The following TGFB1I1 variants were observed in gnomAD, a reference collection of about 807,000 sequenced individuals.
TGFB1I1 encodes the protein transforming growth factor beta-1-induced transcript 1 protein.
In TGFB1I1, 33 loss-of-function variants were observed where a neutral mutation model predicts 52.0. That is an observed-to-expected ratio of 0.63 (90% CI 0.48 to 0.85). TGFB1I1 has a LOEUF of 0.85. TGFB1I1 is among the 40% of genes least tolerant of loss of function. The probability of loss-of-function intolerance (pLI) is 0.00; values close to 1 mark genes in which losing one functional copy is unlikely to be tolerated. For synonymous variants in TGFB1I1, 236 were observed against 253.3 expected, an observed-to-expected ratio of 0.93 and a Z score of 0.65; for missense variants, 577 against 614.9, an observed-to-expected ratio of 0.94 and a Z score of 0.65.
Position 31,476,806 on chromosome 16 carries a change from G to T in TGFB1I1, c.971-56G>T. 2 of 1,604,108 alleles carry T rather than the reference G, an allele frequency of 1.2e-6. No homozygotes were observed. The highest frequency in any genetic ancestry group is 2.3e-5 in the East Asian group (1 of 44,104). On this transcript the variant is annotated intron_variant, in intron 9 of 10. Transcript: ENST00000394863. The surrounding 1 kb of genome is among the most constrained non-coding windows in gnomAD (Gnocchi z 7.6). ...TCGGCCCCAGATCTCAGGTCTTGTG[G>T]GTCCCCCGTCCCGCCCGCACCCTTT... is the stretch of plus-strand genomic sequence containing the variant.
At position 31,472,370 on chromosome 16, in the gene TGFB1I1, G is replaced by C. The variant is rs1027400222; in HGVS notation, c.13+169G>C. The C allele has an allele frequency of 1.3e-5, 16 of 1,193,148 alleles. No individual in the cohort carries two copies. The South Asian group carries it at 3.4e-4, about 25-fold the overall frequency. 73.9% of individuals were successfully genotyped at this position (1,193,148 alleles called of 1,614,324 possible). ...TCCCCCTTCCTGCCTCTCCCTTCCT[G>C]CCTTTCCTGGGCCGGCCGCTCCCTC... On this transcript the variant is annotated intron_variant, in intron 1 of 10. Transcript: ENST00000394863.
chr16:31,472,483 CTG>C, intron 1 of TGFB1I1: 1 of 410,018 alleles, frequency 2.4e-6, no homozygotes. Flanking sequence ...GCGCGGGGCT[CTG>C]GGGAGGGAGG....
chr16:31,476,812 C>T lies in TGFB1I1; in HGVS notation c.971-50C>T. 6.2e-7 allele frequency: 1 copy of T among 1,606,946 alleles called. No individual in the cohort carries two copies. Among genetic ancestry groups the T allele is most frequent in the Non-Finnish European group, 8.5e-7 (1 of 1,178,236 alleles). Reference sequence around the variant, plus strand: ...CCAGATCTCAGGTCTTGTGGGTCCCCCGTCCCGCCCGCACCCTTTGCTTTC... The same window carrying T: ...CCAGATCTCAGGTCTTGTGGGTCCCTCGTCCCGCCCGCACCCTTTGCTTTC... On this transcript the variant is annotated intron_variant, in intron 9 of 10. Coordinates refer to ENST00000394863, the MANE Select transcript of TGFB1I1 (RefSeq NM_001042454.3). The surrounding 1 kb of genome is among the most constrained non-coding windows in gnomAD (Gnocchi z 7.6).
At position 31,476,404 on chromosome 16, in the gene TGFB1I1, A is replaced by T. The variant is rs1290068767; in HGVS notation, c.889-77A>T. On this transcript the variant is annotated intron_variant, in intron 8 of 10. Coordinates refer to ENST00000394863, the MANE Select transcript of TGFB1I1 (RefSeq NM_001042454.3). The surrounding 1 kb of genome is among the most constrained non-coding windows in gnomAD (Gnocchi z 7.6). ...CCTCCCCCCACGCATGCCTTAGTCC[A>T]GTCACCCGGGTTCCGCGCGGGAGAG... 2.5e-5 allele frequency: 36 copies of T among 1,446,778 alleles called. No homozygotes were observed. The highest frequency in any genetic ancestry group is 1.3e-5 in the Non-Finnish European group (14 of 1,052,884). The allele number at this position is 1,446,778 out of a possible 1,614,324, so 89.6% of individuals were successfully genotyped here. A position where few individuals can be genotyped will look rare whatever the true frequency, so the allele number is the denominator to read the frequency against.
chr16:31,476,730 G>A lies in TGFB1I1; in HGVS notation c.971-132G>A. 4 of 1,498,662 alleles carry A rather than the reference G, an allele frequency of 2.7e-6. No individual in the cohort carries two copies. The highest frequency in any genetic ancestry group is 3.6e-6 in the Non-Finnish European group (4 of 1,111,936). 92.8% of individuals were successfully genotyped at this position (1,498,662 alleles called of 1,614,324 possible). A position where few individuals can be genotyped will look rare whatever the true frequency, so the allele number is the denominator to read the frequency against. Reference sequence around the variant, plus strand: ...ACCCGAGCCCTCCCCGCTCTGTCCCGCCATAGACCCGGCTCCTCCTTCCCC... The same window carrying A: ...ACCCGAGCCCTCCCCGCTCTGTCCCACCATAGACCCGGCTCCTCCTTCCCC... On this transcript the variant is annotated intron_variant, in intron 9 of 10. Coordinates refer to ENST00000394863, the MANE Select transcript of TGFB1I1 (RefSeq NM_001042454.3). The surrounding 1 kb of genome is among the most constrained non-coding windows in gnomAD (Gnocchi z 7.6).
At chr16:31,475,965 A>C in intron 7 of TGFB1I1, 47 bp from the exon 8 acceptor site, 1 of 1,576,182 alleles carries the variant, frequency 6.3e-7, no homozygotes, top group African/African-American at 1.3e-5. Flanking sequence ...CTCACTGGGC[A>C]TGTGGTTGTC....
Position 31,473,823 on chromosome 16 carries a change from T to C in TGFB1I1, c.183-12T>C. The C allele has an allele frequency of 6.2e-7, 1 of 1,613,778 alleles. No homozygotes were observed. Among genetic ancestry groups the C allele is most frequent in the South Asian group, 1.1e-5 (1 of 91,044 alleles). On this transcript the variant is annotated splice_polypyrimidine_tract_variant and intron_variant, in intron 3 of 10. Transcript: ENST00000394863. ...CCCACCCCTGAACCCAGGCTCCCACTCTGCTTCCCAGCACGGTATGCAAGC... is the reference window on the plus strand; with the variant it reads ...CCCACCCCTGAACCCAGGCTCCCACCCTGCTTCCCAGCACGGTATGCAAGC...
In TGFB1I1 at chr16:31,477,468, G is replaced by C. The variant is rs1439655641; in HGVS notation, c.1278G>C (p.Pro426=). 1 of 1,602,426 alleles carries C rather than the reference G, an allele frequency of 6.2e-7. No individual in the cohort carries two copies. The highest frequency in any genetic ancestry group is 1.3e-5 in the African/African-American group (1 of 74,638). ...CGGCCCTGGGTCGCCGCTTCCACCC[G>C]GACCACTTCACATGCACCTTCTGCC... is the stretch of plus-strand genomic sequence containing the variant. ...CVSALGRRFH[P]DHFTCTFCLR... is the part of the protein sequence containing the mutation. Residue 426 remains proline, a synonymous_variant, in exon 11 of 11, where the codon CCG becomes CCC. Transcript: ENST00000394863. This position sits in a 1 kb window ranked among gnomAD's most constrained non-coding sequence, Gnocchi z 4.7.
In TGFB1I1 at chr16:31,474,936, G is replaced by A; in HGVS notation, c.714+179G>A. 1.5e-6 allele frequency: 1 copy of A among 653,218 alleles called. No homozygotes were observed. The highest frequency in any genetic ancestry group is 2.6e-6 in the Non-Finnish European group (1 of 386,972). 40.5% of individuals were successfully genotyped at this position (653,218 alleles called of 1,614,324 possible). On this transcript the variant is annotated intron_variant, in intron 7 of 10. Transcript: ENST00000394863. The surrounding 1 kb of genome is among the most constrained non-coding windows in gnomAD (Gnocchi z 4.2). ...AACCACACAGCAGGTTAGTGGTAGGGTGAAAATTCCAACCATGTTACCATT... is the reference window on the plus strand; with the variant it reads ...AACCACACAGCAGGTTAGTGGTAGGATGAAAATTCCAACCATGTTACCATT...
chr16:31,473,117 G>C, intron 1 of TGFB1I1: 1 of 883,938 alleles, frequency 1.1e-6, no homozygotes, highest in Non-Finnish European at 1.4e-6. Flanking sequence ...AAAGCTGAGG[G>C]CCAGGCACTG....
chr16:31,473,235 G>A (rs2082401263), intron 1 of TGFB1I1: 1 of 1,380,652 alleles, frequency 7.2e-7, no homozygotes, highest in Non-Finnish European at 9.4e-7. Flanking sequence ...GGCTGGGTTT[G>A]TGCTTGGCTC....
rs1432993582 is a variant in TGFB1I1, at chr16:31,477,347, A to C, written c.1157A>C (p.Glu386Ala). Reference protein sequence around the residue: ...FAPFSGGSFFEHEGRPLCENH... With the variant: ...FAPFSGGSFFAHEGRPLCENH... Reference sequence around the variant, plus strand: ...CCCTTCTCGGGAGGCAGCTTTTTCGAGCACGAGGGCCGCCCGTTGTGCGAG... The same window carrying C: ...CCCTTCTCGGGAGGCAGCTTTTTCGCGCACGAGGGCCGCCCGTTGTGCGAG... Residue 386 changes from glutamate (E) to alanine (A), a missense_variant, in exon 11 of 11, where the codon GAG (glutamate) becomes GCG (alanine). This residue lies in a region of TGFB1I1 where 456 missense variants were observed against 461.6 expected (regional missense o/e 0.99). Transcript: ENST00000394863. This position sits in a 1 kb window ranked among gnomAD's most constrained non-coding sequence, Gnocchi z 4.7. The C allele has an allele frequency of 4.3e-6, 7 of 1,611,004 alleles. No individual in the cohort carries two copies. The highest frequency in any genetic ancestry group is 5.9e-6 in the Non-Finnish European group (7 of 1,178,736).
Position 31,476,021 on chromosome 16 carries a change from G to A in TGFB1I1, c.724G>A (p.Ala242Thr). Residue 242 changes from alanine to threonine, a missense_variant, in exon 8 of 11, where the codon GCT becomes ACT. Transcript: ENST00000394863. This position sits in a 1 kb window ranked among gnomAD's most constrained non-coding sequence, Gnocchi z 7.6. Reference protein sequence around the residue: ...NKPIAGQVVTALGRAWHPEHF... With the variant: ...NKPIAGQVVTTLGRAWHPEHF... ...CACCTCCCACTCGCAGGTGGTGACG[G>A]CTCTGGGCCGCGCCTGGCACCCCGA... 6.2e-7 allele frequency: 1 copy of A among 1,612,142 alleles called. No homozygotes were observed. Among genetic ancestry groups the A allele is most frequent in the Non-Finnish European group, 8.5e-7 (1 of 1,179,760 alleles).
At position 31,474,276 on chromosome 16, in the gene TGFB1I1, T is replaced by C; in HGVS notation, c.413+37T>C. On this transcript the variant is annotated intron_variant, in intron 5 of 10. Coordinates refer to ENST00000394863, the MANE Select transcript of TGFB1I1 (RefSeq NM_001042454.3). This position sits in a 1 kb window ranked among gnomAD's most constrained non-coding sequence, Gnocchi z 4.2. Reference sequence around the variant, plus strand: ...GTCGTTGTCAGGGCTGAGAGATGAGTCCTGGATATCTGAGTCACTAGAGGG... The same window carrying C: ...GTCGTTGTCAGGGCTGAGAGATGAGCCCTGGATATCTGAGTCACTAGAGGG... The C allele has an allele frequency of 6.2e-7, 1 of 1,611,038 alleles. No homozygotes were observed. Among genetic ancestry groups the C allele is most frequent in the South Asian group, 1.1e-5 (1 of 91,004 alleles).
rs2082433687 is a variant in TGFB1I1 at position 31,477,451 on chromosome 16, G to C, written c.1261G>C (p.Gly421Arg). 6.2e-7 allele frequency: 1 copy of C among 1,600,536 alleles called. No individual in the cohort carries two copies. Among genetic ancestry groups the C allele is most frequent in the Admixed American group, 1.7e-5 (1 of 58,690 alleles). The change falls in exon 11 of 11, where the codon GGT becomes CGT. Residue 421 changes from glycine to arginine, a missense_variant. By Grantham distance (125) the Gly-to-Arg change is moderately radical. This residue lies in a region of TGFB1I1 where 456 missense variants were observed against 461.6 expected (regional missense o/e 0.99). Transcript: ENST00000394863. The surrounding 1 kb of genome is among the most constrained non-coding windows in gnomAD (Gnocchi z 4.7). ...PVTGRCVSAL[G>R]RRFHPDHFTC... is the part of the protein sequence containing the mutation. ...GACCGGCCGCTGCGTGTCGGCCCTG[G>C]GTCGCCGCTTCCACCCGGACCACTT...
Position 31,472,165 on chromosome 16 carries a change from C to A in TGFB1I1, c.-24C>A. ...GACACGGCCCCCGCCCTGTTCGCCC[C>A]GCGCCACCGGCCCGCGCCCCGCCAT... On this transcript the variant is annotated 5_prime_UTR_variant, in exon 1 of 11. Coordinates refer to ENST00000394863, the MANE Select transcript of TGFB1I1 (RefSeq NM_001042454.3). 7.5e-7 allele frequency: 1 copy of A among 1,329,942 alleles called. No individual in the cohort carries two copies. The highest frequency in any genetic ancestry group is 1.6e-5 in the African/African-American group (1 of 64,406). 82.4% of individuals were successfully genotyped at this position (1,329,942 alleles called of 1,614,324 possible). A position where few individuals can be genotyped will look rare whatever the true frequency, so the allele number is the denominator to read the frequency against.
At position 31,477,240 on chromosome 16, in the gene TGFB1I1, G is replaced by T. The variant is rs1385255502; in HGVS notation, c.1120-70G>T. 53 of 1,543,788 alleles carry T rather than the reference G, an allele frequency of 3.4e-5. No homozygotes were observed. The highest frequency in any genetic ancestry group is 4.4e-5 in the Non-Finnish European group (50 of 1,140,558). On this transcript the variant is annotated intron_variant, in intron 10 of 10. Coordinates refer to ENST00000394863, the MANE Select transcript of TGFB1I1 (RefSeq NM_001042454.3). The surrounding 1 kb of genome is among the most constrained non-coding windows in gnomAD (Gnocchi z 4.7). Reference sequence around the variant, plus strand: ...GCTGCGGGGTCCCAGGGCGTTATCCGCTAGTAACGCGCGTTGTCTGGCAGT... The same window carrying T: ...GCTGCGGGGTCCCAGGGCGTTATCCTCTAGTAACGCGCGTTGTCTGGCAGT...
chr16:31,477,841 T>C lies in TGFB1I1; in HGVS notation c.*265T>C. On this transcript the variant is annotated 3_prime_UTR_variant, in exon 11 of 11. Coordinates refer to ENST00000394863, the MANE Select transcript of TGFB1I1 (RefSeq NM_001042454.3). This position sits in a 1 kb window ranked among gnomAD's most constrained non-coding sequence, Gnocchi z 4.7. ...CCCACCCTTGAGGGAGCCCCCTTACTGGGGGAGGGTCCTTGCAATTCCAGC... is the reference window on the plus strand; with the variant it reads ...CCCACCCTTGAGGGAGCCCCCTTACCGGGGGAGGGTCCTTGCAATTCCAGC... 1 of 508,700 alleles carries C rather than the reference T, an allele frequency of 2.0e-6. No individual in the cohort carries two copies. The allele number at this position is 508,700 out of a possible 1,614,324, so 31.5% of individuals were successfully genotyped here.
intron 1 of TGFB1I1, chr16:31,472,403 C>T (rs2082396434): frequency 4.0e-6 from 4 of 987,842 alleles, no homozygotes; most frequent in Non-Finnish European, 5.3e-6. Flanking sequence ...CTCCCTTCTT[C>T]CCTCGCTGTG....
Sources: allele counts gnomAD v4.1 joint callset, GRCh38; gene constraint gnomAD v4.1.1; regional missense constraint gnomAD v4.1.1; non-coding constraint Gnocchi (gnomAD v3.1); transcripts MANE v1.5; gene names NCBI Gene and HGNC (gene_info 2026-07-23, HGNC 2026-07-21).